CNTN6: variants seen among roughly 807,000 people sequenced by gnomAD.
CNTN6 encodes contactin 6, also known as contactin-6.
A neutral mutation model predicts 122.8 loss-of-function variants in CNTN6; 137 were observed. The observed-to-expected ratio is 1.12, with a 90% confidence interval of 0.97 to 1.29. The LOEUF (loss-of-function observed/expected upper bound fraction) is 1.29, where lower values mean the gene tolerates loss of function less well. CNTN6 is among the 50% of genes most tolerant of loss of function. The pLI is 0.00. For synonymous variants in CNTN6, 570 were observed against 426.0 expected (o/e 1.34, Z -4.16); for missense variants, 1,634 against 1,223.4 (o/e 1.34, Z -5.01).
intron 2 of CNTN6, among the ~76,000 whole-genome samples, chr3:1,212,485 G>A (rs2094057149): frequency 8.3e-6 from 1 of 120,132 alleles, no homozygotes; most frequent in Admixed American, 1.1e-4. Flanking sequence ...ACATGTGTGT[G>A]TATATATATA....
chr3:1,114,700 T>C (rs2125033987), intron 1 of CNTN6, among the ~76,000 whole-genome samples: 1 of 152,268 alleles, frequency 6.6e-6, no homozygotes, highest in Middle Eastern at 3.4e-3. Context: ...TTCGCAAAAG[T>C]GGTATTTTTA....
chr3:1,123,832 G>A (rs1017361486), intron 1 of CNTN6, among the ~76,000 whole-genome samples: 1 of 151,898 alleles, frequency 6.6e-6, no homozygotes, highest in African/African-American at 2.4e-5. Context: ...TCCCTCCAAT[G>A]TCCTTTATTT....
intron 1 of CNTN6, among the ~76,000 whole-genome samples, chr3:1,122,104 G>A (rs921575339): frequency 6.6e-6 from 1 of 151,848 alleles, no homozygotes; most frequent in Non-Finnish European, 1.5e-5. Flanking sequence ...ATCAATTACA[G>A]CAGTAAAATG....
chr3:1,108,308 T>C (rs2091321189), intron 1 of CNTN6, among the ~76,000 whole-genome samples: 1 of 152,092 alleles, frequency 6.6e-6, no homozygotes, highest in African/African-American at 2.4e-5. Flanking sequence ...TAATGAGATA[T>C]CTTGGGGATT....
At chr3:1,330,027 T>G in intron 11 of CNTN6, 92 bp downstream of exon 11, 2 of 984,030 alleles carry the variant, frequency 2.0e-6, no homozygotes, top group Non-Finnish European at 2.8e-6. Flanking sequence ...AAATTTCCTC[T>G]TTTATGATAA....
chr3:1,311,576 C>T (rs1699324536), intron 7 of CNTN6, among the ~76,000 whole-genome samples: 1 of 147,530 alleles, frequency 6.8e-6, no homozygotes, highest in South Asian at 2.2e-4. Context: ...TTTATATACA[C>T]ATATATGTAT....
chr3:1,227,708 A>G, intron 3 of CNTN6, 110 bp from the exon 4 acceptor site: 1 of 1,176,140 alleles, frequency 8.5e-7, no homozygotes, highest in Non-Finnish European at 1.2e-6. Flanking sequence ...ACATGTAATC[A>G]TGTTTTTTGG....
chr3:1,236,832 G>A (rs2094428552), intron 4 of CNTN6, among the ~76,000 whole-genome samples: 1 of 152,234 alleles, frequency 6.6e-6, no homozygotes, highest in East Asian at 1.9e-4. Flanking sequence ...TGTAATCCCA[G>A]CACTTTGGGA....
At chr3:1,105,877 C>T (rs2091197192) in intron 1 of CNTN6, among the ~76,000 whole-genome samples, 1 of 152,080 alleles carries the variant, frequency 6.6e-6, no homozygotes, top group Non-Finnish European at 1.5e-5. Flanking sequence ...GTGCTCATTC[C>T]AAGTATGCTA....
At chr3:1,363,019 A>C (rs1023197623) in intron 12 of CNTN6, among the ~76,000 whole-genome samples, 2 of 151,952 alleles carry the variant, frequency 1.3e-5, no homozygotes, top group Non-Finnish European at 2.9e-5. Context: ...TTCTATCCCT[A>C]TTTAAAAATC....
intron 4 of CNTN6, among the ~76,000 whole-genome samples, chr3:1,255,211 T>C (rs56119432): frequency 0.073 from 11,173 of 152,044 alleles, 738 homozygotes; most frequent in South Asian, 0.31. Context: ...TCAGACCAGA[T>C]TGAGGAATGG....
chr3:1,348,557 T>C, intron 11 of CNTN6, among the ~76,000 whole-genome samples: 1 of 151,904 alleles, frequency 6.6e-6, no homozygotes, highest in East Asian at 1.9e-4. Context: ...ATATTAAAGG[T>C]CATTCTATGC....
chr3:1,157,168 G>A (rs186380248), intron 2 of CNTN6, among the ~76,000 whole-genome samples: 1 of 150,622 alleles, frequency 6.6e-6, no homozygotes, highest in African/African-American at 2.4e-5. Context: ...TATCCTTTGT[G>A]TCACAAACAA....
intron 1 of CNTN6, among the ~76,000 whole-genome samples, chr3:1,119,322 CGTGTGTGT>C (rs369235352): frequency 2.4e-5 from 3 of 126,546 alleles, no homozygotes; most frequent in Non-Finnish European, 3.3e-5. Context: ...ACAGAAAAAT[CGTGTGTGT>C]GTGTGTGTGT....
chr3:1,222,249 G>A (rs181890267), intron 3 of CNTN6, among the ~76,000 whole-genome samples: 2 of 152,160 alleles, frequency 1.3e-5, no homozygotes, highest in East Asian at 3.9e-4. Context: ...TTGTTGATTT[G>A]TTAGTTTTTC....
At chr3:1,213,095 A>G (rs1407463489) in intron 2 of CNTN6, among the ~76,000 whole-genome samples, 10 of 152,168 alleles carry the variant, frequency 6.6e-5, no homozygotes, top group Admixed American at 6.5e-4. Flanking sequence ...CATCACAGGG[A>G]TTTAATTTGG....
At chr3:1,388,001 G>A (rs1184751112) in intron 20 of CNTN6, among the ~76,000 whole-genome samples, 1 of 152,140 alleles carries the variant, frequency 6.6e-6, no homozygotes, top group South Asian at 2.1e-4. Flanking sequence ...GCCCGCCATT[G>A]GCCAGGCTTG....
intron 2 of CNTN6, among the ~76,000 whole-genome samples, chr3:1,154,858 C>CA (rs1226887367): frequency 6.6e-6 from 1 of 152,234 alleles, no homozygotes; most frequent in East Asian, 1.9e-4. Context: ...CTACCTCTTT[C>CA]ATCTCTACTT....
chr3:1,307,250 C>T (rs1057124527), intron 7 of CNTN6, among the ~76,000 whole-genome samples: 5 of 152,122 alleles, frequency 3.3e-5, no homozygotes, highest in South Asian at 2.1e-4. Flanking sequence ...CTTTTTCCCA[C>T]GCTGCCCTTT....
Sources: allele counts gnomAD v4.1 joint callset (sites outside exome capture counted in the v4.1 genomes callset), GRCh38; gene constraint gnomAD v4.1.1; transcripts MANE v1.5; gene names NCBI Gene and HGNC (gene_info 2026-07-23, HGNC 2026-07-21).